The following ZNF564 variants were observed in gnomAD, a reference collection of about 807,000 sequenced individuals.
ZNF564 encodes the protein zinc finger protein 564.
A neutral mutation model predicts 10.5 loss-of-function variants in ZNF564; 5 were observed. That is an observed-to-expected ratio of 0.48 (90% CI 0.25 to 1.00). The LOEUF is 1.00. Among genes scored for constraint, ZNF564 ranks in the 50% least tolerant of loss-of-function variants. The probability of loss-of-function intolerance (pLI) is 0.16; values close to 1 mark genes in which losing one functional copy is unlikely to be tolerated. For missense variants in ZNF564, 603 were observed against 669.7 expected (o/e 0.90, Z 1.10); for synonymous variants, 242 against 218.1 (o/e 1.11, Z -0.97).
chr19:12,528,826 G>A, intron 1 of ZNF564, 130 bp from the exon 2 acceptor site: 1 of 1,012,758 alleles, frequency 9.9e-7, no homozygotes, highest in Non-Finnish European at 1.4e-6. Flanking sequence ...CACTTTGGGA[G>A]GCCAAGGCAT....
rs1568269181 is a variant in ZNF564 at position 12,551,456 on chromosome 19, A to G, written c.-124T>C. 5 of 1,431,088 alleles carry G rather than the reference A, an allele frequency of 3.5e-6. No individual in the cohort carries two copies. Among genetic ancestry groups the G allele is most frequent in the Non-Finnish European group, 4.6e-6 (5 of 1,091,974 alleles). The allele number at this position is 1,431,088 out of a possible 1,614,324, so 88.6% of individuals were successfully genotyped here. A position where few individuals can be genotyped will look rare whatever the true frequency, so the allele number is the denominator to read the frequency against. On this transcript the variant is annotated 5_prime_UTR_variant, in exon 1 of 4. Transcript: ENST00000339282. Reference sequence around the variant, plus strand: ...CTGGAGAAGCGGAGACCGGAACCCAAACGCAGCGGACACGAAACAGGAAGA... The same window carrying G: ...CTGGAGAAGCGGAGACCGGAACCCAGACGCAGCGGACACGAAACAGGAAGA...
Position 12,525,732 on chromosome 19 carries a change from C to G in ZNF564, c.*714G>C, listed in dbSNP as rs1312354794. The G allele has an allele frequency of 6.6e-6, 1 of 152,158 alleles. No individual in the cohort carries two copies. Among genetic ancestry groups the G allele is most frequent in the Non-Finnish European group, 1.5e-5 (1 of 68,038 alleles). The allele number at this position is 152,158 out of a possible 1,614,324, so 9.4% of individuals were successfully genotyped here. A position where few individuals can be genotyped will look rare whatever the true frequency, so the allele number is the denominator to read the frequency against. ...TAAATTGGAAAGCTTAATTAATCAA[C>G]AAACATTTATTTCTCATGGTTTGGG... On this transcript the variant is annotated 3_prime_UTR_variant, in exon 4 of 4. Transcript: ENST00000339282.
chr19:12,525,683 T>TAA lies in ZNF564; in HGVS notation c.*762_*763insTT, dbSNP rs2145061161. The TAA allele has an allele frequency of 6.6e-6, 1 of 152,338 alleles. No homozygotes were observed. The highest frequency in any genetic ancestry group is 2.1e-4 in the South Asian group (1 of 4,828). 9.4% of individuals were successfully genotyped at this position (152,338 alleles called of 1,614,324 possible). ...TTTTAAAATTGGATTGTGTCTTAGC[T>TAA]TGGGTTGCTAAAACAAAATACCATA... On this transcript the variant is annotated 3_prime_UTR_variant, in exon 4 of 4. Transcript: ENST00000339282.
intron 1 of ZNF564, among the ~76,000 whole-genome samples, chr19:12,539,485 C>T (rs2021993263): frequency 6.8e-6 from 1 of 146,756 alleles, no homozygotes; most frequent in Non-Finnish European, 1.5e-5. Context: ...TGGTGAAACC[C>T]CATCTCTAAT....
Position 12,548,847 on chromosome 19 carries a change from C to G in ZNF564, c.3+2483G>C, listed in dbSNP as rs144224887. On this transcript the variant is annotated intron_variant, in intron 1 of 3. Coordinates refer to ENST00000339282, the MANE Select transcript of ZNF564 (RefSeq NM_144976.4). ...AAGGATACAGAACAGTTATCCATTACGACAAAATCTCTACCCTGCAAAGGA... is the reference window on the plus strand; with the variant it reads ...AAGGATACAGAACAGTTATCCATTAGGACAAAATCTCTACCCTGCAAAGGA... 1.3e-3 allele frequency: 916 copies of G among 702,840 alleles called. 4 individuals are homozygous for G. The African/African-American group carries it at 0.014, about 11-fold the overall frequency. 43.5% of individuals were successfully genotyped at this position (702,840 alleles called of 1,614,324 possible).
At chr19:12,551,141 C>T (rs2145103609) in intron 1 of ZNF564, among the ~76,000 whole-genome samples, 189 bp downstream of exon 1, 1 of 152,388 alleles carries the variant, frequency 6.6e-6, no homozygotes, top group South Asian at 2.1e-4. Context: ...CGGGACAGGA[C>T]GCCTGGGGTA....
At chr19:12,533,216 A>G (rs547564551) in intron 1 of ZNF564, among the ~76,000 whole-genome samples, 5 of 152,290 alleles carry the variant, frequency 3.3e-5, no homozygotes, top group African/African-American at 1.2e-4. Context: ...ATAGTTACCA[A>G]CTCCCCCAAA....
At chr19:12,546,965 G>A (rs1427502855) in intron 1 of ZNF564, among the ~76,000 whole-genome samples, 6 of 152,026 alleles carry the variant, frequency 3.9e-5, no homozygotes, top group Non-Finnish European at 5.9e-5. Flanking sequence ...CTAACCTCAG[G>A]AAAAATATTC....
chr19:12,551,320 G>T lies in ZNF564; in HGVS notation c.3+10C>A. The T allele has an allele frequency of 6.2e-7, 1 of 1,606,840 alleles. No homozygotes were observed. Among genetic ancestry groups the T allele is most frequent in the South Asian group, 1.1e-5 (1 of 90,142 alleles). ...CCCCAGTCTCCAGGCGCCCGGCCCC[G>T]CACACGCACCATTTCCTGGCTTCCA... On this transcript the variant is annotated intron_variant, in intron 1 of 3. Transcript: ENST00000339282.
At chr19:12,534,167 C>T (rs1430517113) in intron 1 of ZNF564, among the ~76,000 whole-genome samples, 1 of 152,064 alleles carries the variant, frequency 6.6e-6, no homozygotes, top group Non-Finnish European at 1.5e-5. Context: ...TGTCTTCTCT[C>T]ACCACTACTA....
rs1259051023 is a variant in ZNF564 at position 12,527,422 on chromosome 19, T to C, written c.686A>G (p.Glu229Gly). The C allele has an allele frequency of 1.2e-6, 2 of 1,613,934 alleles. No homozygotes were observed. Among genetic ancestry groups the C allele is most frequent in the Non-Finnish European group, 1.7e-6 (2 of 1,179,974 alleles). Residue 229 changes from glutamate (E) to glycine (G), a missense_variant, in exon 4 of 4, where the codon GAA becomes GGA. Transcript: ENST00000339282. ...AAGAGAAATGAAAGCTTTTGCACATTCCTGACATTCATAGGGTTTCTCTCC... is the reference window on the plus strand; with the variant it reads ...AAGAGAAATGAAAGCTTTTGCACATCCCTGACATTCATAGGGTTTCTCTCC... ...HTGEKPYECQ[E>G]CAKAFISLPS...
chr19:12,541,536 C>T (rs1477070639), intron 1 of ZNF564: 2 of 150,154 alleles, frequency 1.3e-5, no homozygotes, highest in African/African-American at 2.5e-5. Flanking sequence ...GGGATGGAGA[C>T]TCTGTCTCAA....
At chr19:12,532,159 C>T (rs935740480) in intron 1 of ZNF564, among the ~76,000 whole-genome samples, 11 of 151,628 alleles carry the variant, frequency 7.3e-5, no homozygotes, top group African/African-American at 2.2e-4. Context: ...GGATATAATG[C>T]GCTATAATTT....
At chr19:12,527,971 G>C in intron 3 of ZNF564, 55 bp from the exon 4 acceptor site, 3 of 1,502,860 alleles carry the variant, frequency 2.0e-6, no homozygotes, top group Non-Finnish European at 2.7e-6. Context: ...TTTATTAATA[G>C]GTATTCGACT....
At chr19:12,547,120 A>G (rs2145096966) in intron 1 of ZNF564, among the ~76,000 whole-genome samples, 1 of 152,324 alleles carries the variant, frequency 6.6e-6, no homozygotes, top group East Asian at 1.9e-4. Flanking sequence ...TCCAGGCTAG[A>G]GTACAATGCC....
intron 1 of ZNF564, among the ~76,000 whole-genome samples, chr19:12,549,491 T>C (rs1316952332): frequency 6.6e-6 from 1 of 152,180 alleles, no homozygotes; most frequent in East Asian, 1.9e-4. Context: ...CTCGCACCAT[T>C]TCAATGGGGC....
chr19:12,536,652 T>C (rs1050747085), intron 1 of ZNF564, among the ~76,000 whole-genome samples: 1 of 152,150 alleles, frequency 6.6e-6, no homozygotes, highest in African/African-American at 2.4e-5. Flanking sequence ...CCATCAGTAC[T>C]GTCTAGAATT....
chr19:12,526,327 T>A lies in ZNF564; in HGVS notation c.*119A>T, dbSNP rs1282828196. ...GACAGGCACAGGATAGAGATTCCTATTCCAAAAGTGAGAAACAGGAGAAAG... is the reference window on the plus strand; with the variant it reads ...GACAGGCACAGGATAGAGATTCCTAATCCAAAAGTGAGAAACAGGAGAAAG... On this transcript the variant is annotated 3_prime_UTR_variant, in exon 4 of 4. Coordinates refer to ENST00000339282, the MANE Select transcript of ZNF564 (RefSeq NM_144976.4). 3.7e-6 allele frequency: 4 copies of A among 1,076,424 alleles called. No homozygotes were observed. In the East Asian group the frequency reaches 9.7e-5, roughly 26 times the overall value. The allele number at this position is 1,076,424 out of a possible 1,614,324, so 66.7% of individuals were successfully genotyped here.
Position 12,526,488 on chromosome 19 carries a change from A to C in ZNF564, c.1620T>G (p.Leu540=). ...TATTCGAAGGTTGTGTGATAAATGA[A>C]AGCTTTCCCACATTCTTTACGTAAG... ...DKPYVKNVGK[L]SFITQPSNTC... is the part of the protein sequence containing the mutation. Residue 540 remains leucine, a synonymous_variant, in exon 4 of 4, where the codon CTT becomes CTG. Transcript: ENST00000339282. 6.2e-7 allele frequency: 1 copy of C among 1,606,906 alleles called. No homozygotes were observed. The highest frequency in any genetic ancestry group is 8.5e-7 in the Non-Finnish European group (1 of 1,177,418).
Sources: gnomAD v4.1 joint callset for allele counts (sites outside exome capture counted in the v4.1 genomes callset) on GRCh38, gnomAD v4.1.1 for gene constraint, MANE v1.5 for transcripts, NCBI Gene and HGNC (gene_info 2026-07-23, HGNC 2026-07-21) for gene names.